Variants in ADARB2 observed in about 807,000 individuals in gnomAD.
ADARB2 encodes adenosine deaminase RNA specific B2 (inactive), also known as inactive double-stranded RNA-specific editase B2.
A neutral mutation model predicts 62.2 loss-of-function variants in ADARB2; 25 were observed. The ratio of observed to expected loss-of-function variants is 0.40; its 90% confidence interval spans 0.29 to 0.56. The LOEUF is 0.56. Ranked by LOEUF, ADARB2 falls within the 20% of genes least tolerant of loss-of-function variation. The pLI, the probability that ADARB2 is intolerant of heterozygous loss-of-function variation, is 0.43. For synonymous variants in ADARB2, 572 were observed against 500.8 expected, an observed-to-expected ratio of 1.14 and a Z score of -1.90; for missense variants, 1,071 against 1,077.4, an observed-to-expected ratio of 0.99 and a Z score of 0.08.
chr10:1,422,309 C>T (rs888475896), intron 1 of ADARB2, among the ~76,000 whole-genome samples: 4 of 152,160 alleles, frequency 2.6e-5, no homozygotes, highest in Non-Finnish European at 5.9e-5. Flanking sequence ...TGCTCTGATT[C>T]GGTAAATTTA....
At chr10:1,431,556 C>T (rs1830778067) in intron 1 of ADARB2, among the ~76,000 whole-genome samples, 4 of 151,372 alleles carry the variant, frequency 2.6e-5, no homozygotes, top group Admixed American at 2.6e-4. Context: ...TTTTATAAAA[C>T]TATAAAAAAC....
At chr10:1,326,746 C>T (rs1161238597) in intron 3 of ADARB2, among the ~76,000 whole-genome samples, 1 of 150,478 alleles carries the variant, frequency 6.6e-6, no homozygotes, top group African/African-American at 2.4e-5. Flanking sequence ...ACGGCGCCTC[C>T]CGACGGCACG....
At chr10:1,516,970 G>A (rs1054055202) in intron 1 of ADARB2, among the ~76,000 whole-genome samples, 2 of 152,202 alleles carry the variant, frequency 1.3e-5, no homozygotes, top group African/African-American at 2.4e-5. Flanking sequence ...AAGGGATGGC[G>A]TTTCCCCCAC....
intron 1 of ADARB2, among the ~76,000 whole-genome samples, chr10:1,443,265 G>C (rs1476530983): frequency 6.6e-6 from 1 of 152,152 alleles, no homozygotes; most frequent in Non-Finnish European, 1.5e-5. Context: ...CCCATTTCAT[G>C]TGGGAGAATG....
intron 1 of ADARB2, among the ~76,000 whole-genome samples, chr10:1,595,876 G>C (rs1833327216): frequency 6.6e-6 from 1 of 152,218 alleles, no homozygotes; most frequent in African/African-American, 2.4e-5. Context: ...CCTATGGGGA[G>C]AATGAGCTCA....
At chr10:1,326,543 G>T (rs751982514) in intron 3 of ADARB2, among the ~76,000 whole-genome samples, 4 of 152,194 alleles carry the variant, frequency 2.6e-5, no homozygotes, top group Non-Finnish European at 5.9e-5. Flanking sequence ...ATGAACTTGG[G>T]AAAGTAACTT....
chr10:1,509,722 A>G (rs540780328), intron 1 of ADARB2, among the ~76,000 whole-genome samples: 2 of 152,366 alleles, frequency 1.3e-5, no homozygotes, highest in East Asian at 1.9e-4. Context: ...TGCAGGCTCA[A>G]AAGTGCTCAA....
intron 1 of ADARB2, among the ~76,000 whole-genome samples, chr10:1,684,477 TC>T (rs1205359759): frequency 2.0e-5 from 3 of 152,182 alleles, no homozygotes; most frequent in Non-Finnish European, 4.4e-5. Context: ...ATAATAATAG[TC>T]CCTGGAACTT....
Position 1,685,918 on chromosome 10 carries a change from C to T in ADARB2, c.100+51133G>A, listed in dbSNP as rs539758664. Among the ~76,000 whole-genome samples the T allele has an allele frequency of 5.3e-5, 8 of 152,316 alleles. No homozygotes were observed. In the South Asian group the frequency reaches 6.2e-4, roughly 12 times the overall value. Reference sequence around the variant, plus strand: ...CAGGGCGGACGTGGCTGGGTGGCCTCTGCCCGGGACGGATGGGCTGCAATG... The same window carrying T: ...CAGGGCGGACGTGGCTGGGTGGCCTTTGCCCGGGACGGATGGGCTGCAATG... On this transcript the variant is annotated intron_variant, in intron 1 of 9. Coordinates refer to ENST00000381312, the MANE Select transcript of ADARB2 (RefSeq NM_018702.4).
intron 1 of ADARB2, among the ~76,000 whole-genome samples, chr10:1,640,909 G>A (rs936343725): frequency 9.9e-5 from 15 of 152,140 alleles, no homozygotes; most frequent in African/African-American, 2.7e-4. Flanking sequence ...AACGCATCCC[G>A]GCTGGACAAA....
In ADARB2 at chr10:1,411,712, T is replaced by A. The variant is rs530433424; in HGVS notation, c.101-32552A>T. ...GTGAGCTCCGCCGGCAAGAAGCGGA[T>A]CGAACCATCCGTGCAAGGCCACTGT... is the stretch of plus-strand genomic sequence containing the variant. On this transcript the variant is annotated intron_variant, in intron 1 of 9. Transcript: ENST00000381312. 5.3e-5 allele frequency among the ~76,000 whole-genome samples: 8 copies of A among 152,002 alleles called. No individual in the cohort carries two copies. In the South Asian group the frequency reaches 1.7e-3, roughly 32 times the overall value.
intron 6 of ADARB2, among the ~76,000 whole-genome samples, chr10:1,225,111 G>T (rs1830732585): frequency 6.6e-6 from 1 of 152,094 alleles, no homozygotes; most frequent in South Asian, 2.1e-4. Flanking sequence ...TGTATTGGGT[G>T]CATATATATT....
intron 1 of ADARB2, among the ~76,000 whole-genome samples, chr10:1,696,055 C>A (rs1834739047): frequency 6.6e-6 from 1 of 152,006 alleles, no homozygotes; most frequent in Non-Finnish European, 1.5e-5. Context: ...TACATGCACA[C>A]ACATGCATTG....
chr10:1,549,505 C>T (rs1832581844), intron 1 of ADARB2, among the ~76,000 whole-genome samples: 1 of 151,948 alleles, frequency 6.6e-6, no homozygotes, highest in Admixed American at 6.6e-5. Context: ...TTGGTGTTTC[C>T]ACCCAGTGGC....
At chr10:1,629,338 G>A (rs891745578) in intron 1 of ADARB2, among the ~76,000 whole-genome samples, 1 of 152,100 alleles carries the variant, frequency 6.6e-6, no homozygotes, top group African/African-American at 2.4e-5. Flanking sequence ...TCCTAGCCAT[G>A]CTGTCCCCTG....
At chr10:1,667,281 A>G (rs1054876444) in intron 1 of ADARB2, among the ~76,000 whole-genome samples, 3 of 152,236 alleles carry the variant, frequency 2.0e-5, no homozygotes, top group South Asian at 2.1e-4. Flanking sequence ...TTTAGGCATC[A>G]GGACTGAATC....
intron 1 of ADARB2, among the ~76,000 whole-genome samples, chr10:1,703,312 G>T (rs138516388): frequency 6.6e-6 from 1 of 152,162 alleles, no homozygotes; most frequent in Non-Finnish European, 1.5e-5. Flanking sequence ...ACATTTTAGC[G>T]TACTTCTAAG....
intron 6 of ADARB2, 40 bp downstream of exon 6, chr10:1,233,654 G>T: frequency 6.3e-7 from 1 of 1,575,302 alleles, no homozygotes; most frequent in South Asian, 1.2e-5. Context: ...AGGGAGCTGG[G>T]GGCTGTTGGC....
intron 4 of ADARB2, among the ~76,000 whole-genome samples, chr10:1,259,344 A>G (rs1416797736): frequency 6.6e-6 from 1 of 152,220 alleles, no homozygotes; most frequent in Non-Finnish European, 1.5e-5. Flanking sequence ...CCTTCAAAAA[A>G]TTAATGAATC....
Sources: gnomAD v4.1 joint callset for allele counts (sites outside exome capture counted in the v4.1 genomes callset) on GRCh38, gnomAD v4.1.1 for gene constraint, MANE v1.5 for transcripts, NCBI Gene and HGNC (gene_info 2026-07-23, HGNC 2026-07-21) for gene names.